Variants in ADAM12 observed in about 807,000 individuals in gnomAD.
ADAM12 encodes disintegrin and metalloproteinase domain-containing protein 12.
ADAM12 carries 70 observed loss-of-function variants against 106.4 expected under a neutral mutation model. The observed-to-expected ratio is 0.66, with a 90% CI of 0.54 to 0.80. The LOEUF (loss-of-function observed/expected upper bound fraction) is 0.80. ADAM12 is among the 30% of genes least tolerant of loss of function. The pLI is 0.00. For missense variants in ADAM12, 1,010 were observed against 1,171.9 expected, an observed-to-expected ratio of 0.86 and a Z score of 2.02; for synonymous variants, 420 against 433.5, an observed-to-expected ratio of 0.97 and a Z score of 0.39.
At chr10:126,262,514 A>T (rs1959022025) in intron 3 of ADAM12, among the ~76,000 whole-genome samples, 1 of 152,214 alleles carries the variant, frequency 6.6e-6, no homozygotes, top group Non-Finnish European at 1.5e-5. Context: ...AAAGAGCAGT[A>T]TGATTACCCC....
At chr10:126,272,762 G>A in intron 3 of ADAM12, 2 of 252,254 alleles carry the variant, frequency 7.9e-6, no homozygotes. Flanking sequence ...CTGAGGGAGG[G>A]TCCAGGCCAT....
intron 3 of ADAM12, among the ~76,000 whole-genome samples, chr10:126,173,740 G>C (rs1049373217): frequency 6.6e-6 from 1 of 152,072 alleles, no homozygotes; most frequent in African/African-American, 2.4e-5. Context: ...TTCCTGAGGA[G>C]TATAGCAGAG....
At chr10:126,320,950 T>C (rs1854074552) in intron 2 of ADAM12, among the ~76,000 whole-genome samples, 1 of 152,218 alleles carries the variant, frequency 6.6e-6, no homozygotes, top group Admixed American at 6.5e-5. Context: ...AAATAAGTTG[T>C]TTATTTTTTA....
chr10:126,328,680 T>A (rs901639359), intron 2 of ADAM12, among the ~76,000 whole-genome samples: 1 of 152,238 alleles, frequency 6.6e-6, no homozygotes, highest in African/African-American at 2.4e-5. Flanking sequence ...AACAAAATGC[T>A]GTTCCCAACT....
intron 5 of ADAM12, among the ~76,000 whole-genome samples, chr10:126,129,415 C>T (rs562920406): frequency 5.2e-4 from 79 of 152,208 alleles, no homozygotes; most frequent in Non-Finnish European, 9.3e-4. Context: ...CAGGGCTGGA[C>T]GTCTATCCCA....
chr10:126,358,703 G>A (rs1170499232), intron 1 of ADAM12, among the ~76,000 whole-genome samples: 1 of 152,156 alleles, frequency 6.6e-6, no homozygotes, highest in Non-Finnish European at 1.5e-5. Context: ...AAGTAAAATT[G>A]TTGCTGTTTG....
At chr10:126,269,297 G>A (rs1246939568) in intron 3 of ADAM12, among the ~76,000 whole-genome samples, 2 of 152,122 alleles carry the variant, frequency 1.3e-5, no homozygotes, top group African/African-American at 2.4e-5. Flanking sequence ...CTGTGACTTA[G>A]AATGCCTTAA....
At chr10:126,028,113 A>C (rs1222863097) in intron 21 of ADAM12, among the ~76,000 whole-genome samples, 2 of 152,216 alleles carry the variant, frequency 1.3e-5, no homozygotes, top group Non-Finnish European at 2.9e-5. Flanking sequence ...AATACCTAGG[A>C]ATGCAGCTAC....
intron 3 of ADAM12, among the ~76,000 whole-genome samples, chr10:126,270,071 G>A (rs1285390132): frequency 6.6e-6 from 1 of 152,178 alleles, no homozygotes; most frequent in Non-Finnish European, 1.5e-5. Context: ...TAAATGTTAA[G>A]GTTGAGAGAT....
rs116818476 is a variant in ADAM12, at chr10:126,071,192, T to G, written c.1323+285A>C. ...CTTTCTTCTCTGTCAAACTCAAAGC[T>G]AAACACTTTTTTTTATTGTTTTTGG... is the stretch of plus-strand genomic sequence containing the variant. On this transcript the variant is annotated intron_variant, in intron 12 of 22. Transcript: ENST00000448723. Among the ~76,000 whole-genome samples, 752 of 145,154 alleles carry G rather than the reference T, an allele frequency of 5.2e-3. 7 individuals carry two copies. Among genetic ancestry groups the G allele is most frequent in the African/African-American group, 0.018 (700 of 39,752 alleles).
chr10:126,185,008 T>C (rs544257505), intron 3 of ADAM12, among the ~76,000 whole-genome samples: 3 of 152,342 alleles, frequency 2.0e-5, no homozygotes, highest in South Asian at 2.1e-4. Flanking sequence ...TGATCTCTTA[T>C]TGGATTAAAC....
chr10:126,198,085 G>A (rs937956640), intron 3 of ADAM12, among the ~76,000 whole-genome samples: 54 of 152,230 alleles, frequency 3.5e-4, no homozygotes, highest in African/African-American at 1.3e-3. Context: ...TCTCCTCATG[G>A]GTTGGGGCTG....
At chr10:126,256,907 GAATAAT>G (rs76641223) in intron 3 of ADAM12, among the ~76,000 whole-genome samples, 2 of 146,248 alleles carry the variant, frequency 1.4e-5, no homozygotes, top group South Asian at 2.3e-4. Context: ...CTTTGGATGG[GAATAAT>G]AATAATAATG....
rs375851602 is a variant in ADAM12, at chr10:126,036,429, A to G, written c.2350-104T>C. 19 of 1,150,348 alleles carry G rather than the reference A, an allele frequency of 1.7e-5. No individual in the cohort carries two copies. The African/African-American group carries it at 2.6e-4, about 16-fold the overall frequency. 71.3% of individuals were successfully genotyped at this position (1,150,348 alleles called of 1,614,324 possible). A position where few individuals can be genotyped will look rare whatever the true frequency, so the allele number is the denominator to read the frequency against. ...ACTCATCTGTTATAGCTGAAGGCCA[A>G]GGTGGGGTAAAGGAAAGAAATCAAG... On this transcript the variant is annotated intron_variant, in intron 20 of 22. Transcript: ENST00000448723.
intron 3 of ADAM12, among the ~76,000 whole-genome samples, chr10:126,197,726 C>A (rs1050065895): frequency 6.6e-6 from 1 of 152,170 alleles, no homozygotes; most frequent in Non-Finnish European, 1.5e-5. Context: ...ATCACTGGTG[C>A]CCAACAAATA....
chr10:126,338,503 C>T (rs189721846), intron 1 of ADAM12, among the ~76,000 whole-genome samples: 18 of 152,098 alleles, frequency 1.2e-4, no homozygotes, highest in Middle Eastern at 3.4e-3. Context: ...CCGCCCGCCT[C>T]GGCCTCCCAA....
intron 2 of ADAM12, among the ~76,000 whole-genome samples, chr10:126,312,789 G>A (rs764256002): frequency 2.0e-5 from 3 of 152,086 alleles, no homozygotes; most frequent in Non-Finnish European, 4.4e-5. Context: ...CGTCAAACCC[G>A]GGGACATCAG....
chr10:126,115,098 C>T (rs1321295807), intron 6 of ADAM12, among the ~76,000 whole-genome samples: 7 of 152,200 alleles, frequency 4.6e-5, no homozygotes, highest in Admixed American at 4.6e-4. Context: ...CTCCCCAACT[C>T]GCTGTCCTAT....
intron 2 of ADAM12, among the ~76,000 whole-genome samples, chr10:126,296,996 G>C (rs548422134): frequency 2.6e-5 from 4 of 152,330 alleles, no homozygotes; most frequent in Admixed American, 2.6e-4. Flanking sequence ...TGAGATGCTG[G>C]TGTTGGTGAG....
Sources: allele counts gnomAD v4.1 joint callset (sites outside exome capture counted in the v4.1 genomes callset), GRCh38; gene constraint gnomAD v4.1.1; transcripts MANE v1.5; gene names NCBI Gene and HGNC (gene_info 2026-07-23, HGNC 2026-07-21).